The following RAB10 variants were observed in gnomAD, a reference collection of about 807,000 sequenced individuals.
The protein encoded by RAB10 is RAB10, member RAS oncogene family, also known as ras-related protein Rab-10.
Under a neutral mutation model 25.7 loss-of-function variants are expected in RAB10, and 5 were observed. The observed-to-expected ratio is 0.19, with a 90% CI of 0.10 to 0.41. The LOEUF (loss-of-function observed/expected upper bound fraction) is 0.41, where lower values mean the gene tolerates loss of function less well. Ranked by LOEUF, RAB10 falls within the 10% of genes least tolerant of loss-of-function variation. The pLI is 1.00. For missense variants in RAB10, 103 were observed against 245.8 expected, an observed-to-expected ratio of 0.42 and a Z score of 3.89; for synonymous variants, 89 against 86.4, an observed-to-expected ratio of 1.03 and a Z score of -0.16.
At chr2:26,130,000 A>G (rs1270942593) in intron 5 of RAB10, among the ~76,000 whole-genome samples, 1 of 152,236 alleles carries the variant, frequency 6.6e-6, no homozygotes, top group Non-Finnish European at 1.5e-5. Context: ...TTTAGCAACT[A>G]GAGAACTGGA....
At chr2:26,110,058 C>G (rs995810469) in intron 3 of RAB10, 152 bp downstream of exon 3, 1 of 959,516 alleles carries the variant, frequency 1.0e-6, no homozygotes, top group Non-Finnish European at 1.4e-6. Flanking sequence ...TAATGTTGGC[C>G]GGGCATGGTG....
At chr2:26,133,341 A>G (rs1300113851) in intron 5 of RAB10, among the ~76,000 whole-genome samples, 3 of 152,202 alleles carry the variant, frequency 2.0e-5, no homozygotes, top group Non-Finnish European at 2.9e-5. Flanking sequence ...ACTGAGTGAA[A>G]GAAGCCACAG....
At chr2:26,101,127 A>G (rs1236729494) in intron 2 of RAB10, among the ~76,000 whole-genome samples, 2 of 152,186 alleles carry the variant, frequency 1.3e-5, no homozygotes, top group African/African-American at 4.8e-5. Context: ...TTTGTTGAGT[A>G]TGTATTTGCC....
At position 26,134,329 on chromosome 2, in the gene RAB10, C is replaced by G. The variant is rs537624175; in HGVS notation, c.520-609C>G. 4.3e-4 allele frequency among the ~76,000 whole-genome samples: 65 copies of G among 152,130 alleles called. 2 individuals are homozygous for G. The South Asian group carries it at 0.013, about 30-fold the overall frequency. ...ATGGGGGTCTTGCTGTGTTGCCCAA[C>G]GTGGTTTTAGCTCCTGGCCTCAAGT... On this transcript the variant is annotated intron_variant, in intron 5 of 5. Transcript: ENST00000264710.
At chr2:26,048,037 G>GT (rs61183627) in intron 1 of RAB10, among the ~76,000 whole-genome samples, 1,889 of 134,646 alleles carry the variant, frequency 0.014, 15 homozygotes, top group African/African-American at 0.036. Context: ...GGGCCCATTA[G>GT]TTTTTTTTTT....
chr2:26,086,251 A>G (rs1666985556), intron 1 of RAB10, among the ~76,000 whole-genome samples: 1 of 152,134 alleles, frequency 6.6e-6, no homozygotes, highest in Non-Finnish European at 1.5e-5. Flanking sequence ...ACACCATTGT[A>G]CTCCAGCCTG....
intron 1 of RAB10, among the ~76,000 whole-genome samples, chr2:26,043,165 G>C (rs892529540): frequency 6.6e-6 from 1 of 152,092 alleles, no homozygotes; most frequent in African/African-American, 2.4e-5. Context: ...GGTGGCTTAT[G>C]CCCGTAAATC....
At chr2:26,108,879 A>ATTTTTATTTATT (rs1212667172) in intron 2 of RAB10, among the ~76,000 whole-genome samples, 54 of 139,564 alleles carry the variant, frequency 3.9e-4, no homozygotes, top group South Asian at 1.4e-3. Flanking sequence ...CTTTTGCTTT[A>ATTTTTATTTATT]TATTTATTTA....
chr2:26,126,341 G>C (rs1404910131), intron 3 of RAB10, among the ~76,000 whole-genome samples: 1 of 152,146 alleles, frequency 6.6e-6, no homozygotes, highest in African/African-American at 2.4e-5. Context: ...TCTTTGGGAG[G>C]CCGATGGGGG....
At position 26,098,687 on chromosome 2, in the gene RAB10, T is replaced by C. The variant is rs746302337; in HGVS notation, c.153T>C (p.Val51=). ...TIGIDFKIKT[V]ELQGKKIKLQ... is the part of the protein sequence containing the mutation. Reference sequence around the variant, plus strand: ...GAATAGACTTCAAGATCAAAACAGTTGAATTACAAGGAAAGAAGATCAAGC... The same window carrying C: ...GAATAGACTTCAAGATCAAAACAGTCGAATTACAAGGAAAGAAGATCAAGC... Residue 51 remains valine, a synonymous_variant, in exon 2 of 6, where the codon GTT becomes GTC. Coordinates refer to ENST00000264710, the MANE Select transcript of RAB10 (RefSeq NM_016131.5). 1.9e-6 allele frequency: 3 copies of C among 1,593,824 alleles called. No individual in the cohort carries two copies. In the East Asian group the frequency reaches 6.7e-5, roughly 36 times the overall value.
At chr2:26,077,061 A>G (rs1666752994) in intron 1 of RAB10, among the ~76,000 whole-genome samples, 1 of 152,200 alleles carries the variant, frequency 6.6e-6, no homozygotes, top group African/African-American at 2.4e-5. Flanking sequence ...GCCAAATTTA[A>G]AACCACCTCT....
intron 1 of RAB10, among the ~76,000 whole-genome samples, chr2:26,052,178 G>A (rs1221483401): frequency 1.3e-5 from 2 of 151,962 alleles, no homozygotes; most frequent in Non-Finnish European, 2.9e-5. Flanking sequence ...AGGAGTTTGA[G>A]ATCAGCCTAG....
At chr2:26,098,973 AAGG>A (rs1438501493) in intron 2 of RAB10, among the ~76,000 whole-genome samples, 3 of 152,224 alleles carry the variant, frequency 2.0e-5, no homozygotes, top group African/African-American at 7.2e-5. Flanking sequence ...TTCATATGTA[AAGG>A]GAGATAGTAA....
chr2:26,112,490 C>G (rs1028261415), intron 3 of RAB10, among the ~76,000 whole-genome samples: 1 of 152,192 alleles, frequency 6.6e-6, no homozygotes, highest in Non-Finnish European at 1.5e-5. Context: ...GTGACAGGAA[C>G]TGGGAACAAA....
intron 1 of RAB10, among the ~76,000 whole-genome samples, chr2:26,062,627 G>A (rs990028151): frequency 2.0e-5 from 3 of 151,848 alleles, no homozygotes; most frequent in African/African-American, 4.8e-5. Context: ...GCAGTGAGCC[G>A]AGATCATGCT....
intron 3 of RAB10, among the ~76,000 whole-genome samples, chr2:26,117,874 A>C (rs1037439907): frequency 6.6e-6 from 1 of 152,206 alleles, no homozygotes; most frequent in African/African-American, 2.4e-5. Flanking sequence ...GGCTATAGAG[A>C]TATTTAGAGA....
chr2:26,038,583 G>A (rs1209063207), intron 1 of RAB10, among the ~76,000 whole-genome samples: 2 of 152,102 alleles, frequency 1.3e-5, no homozygotes, highest in Non-Finnish European at 2.9e-5. Context: ...AAATGATTCT[G>A]AGTACAGCTT....
At chr2:26,075,008 G>A (rs1026402579) in intron 1 of RAB10, among the ~76,000 whole-genome samples, 2 of 152,164 alleles carry the variant, frequency 1.3e-5, no homozygotes, top group Non-Finnish European at 2.9e-5. Flanking sequence ...GGGAAAGGTC[G>A]AAGTTCTTCT....
intron 1 of RAB10, among the ~76,000 whole-genome samples, chr2:26,080,010 A>G (rs1174330455): frequency 3.3e-5 from 5 of 152,180 alleles, no homozygotes; most frequent in African/African-American, 1.2e-4. Context: ...GAACTTGTTT[A>G]TTTCAGAGCT....
Sources: gnomAD v4.1 joint callset for allele counts (sites outside exome capture counted in the v4.1 genomes callset) on GRCh38, gnomAD v4.1.1 for gene constraint, MANE v1.5 for transcripts, NCBI Gene and HGNC (gene_info 2026-07-23, HGNC 2026-07-21) for gene names.